ZNF433: variants seen among roughly 807,000 people sequenced by gnomAD.
ZNF433 encodes the protein zinc finger protein 433.
Under a neutral mutation model 10.6 loss-of-function variants are expected in ZNF433, and 12 were observed. The ratio of observed to expected loss-of-function variants is 1.13; its 90% CI spans 0.72 to 1.83. The LOEUF is 1.83. Among genes scored for constraint, ZNF433 ranks in the 40% most tolerant of loss-of-function variants. The pLI is 0.00. For synonymous variants in ZNF433, 272 were observed against 271.3 expected (o/e 1.00, Z -0.02); for missense variants, 737 against 798.0 (o/e 0.92, Z 0.92).
intron 1 of ZNF433, chr19:12,023,254 C>T (rs904220525): frequency 1.1e-4 from 17 of 152,360 alleles, no homozygotes; most frequent in African/African-American, 3.8e-4. Context: ...AAAGTTCCAA[C>T]AGGGGTCTGT....
At chr19:12,030,397 T>A (rs1048454962) in intron 1 of ZNF433, among the ~76,000 whole-genome samples, 2 of 152,000 alleles carry the variant, frequency 1.3e-5, no homozygotes, top group Non-Finnish European at 2.9e-5. Context: ...ATTTTTTCTA[T>A]TTTTAGTAGA....
chr19:12,031,794 G>C (rs567072048), intron 1 of ZNF433, among the ~76,000 whole-genome samples: 1 of 151,070 alleles, frequency 6.6e-6, no homozygotes, highest in South Asian at 2.1e-4. Context: ...GGAGGCTCAC[G>C]ATGATTGCTT....
rs144788674 is a variant in ZNF433, at chr19:12,029,974, C to G, written c.3+5563G>C. 6.7e-5 allele frequency among the ~76,000 whole-genome samples: 10 copies of G among 148,504 alleles called. No homozygotes were observed. The East Asian group carries it at 2.1e-3, about 31-fold the overall frequency. ...GCAGGCACCTGTAATCCCAGCTACTCGGAAGGCTGAGGCAGGAGAATTGCT... is the reference window on the plus strand; with the variant it reads ...GCAGGCACCTGTAATCCCAGCTACTGGGAAGGCTGAGGCAGGAGAATTGCT... On this transcript the variant is annotated intron_variant, in intron 1 of 3. Transcript: ENST00000550507.
chr19:12,027,172 C>G (rs1232110296), intron 1 of ZNF433: 1 of 430,014 alleles, frequency 2.3e-6, no homozygotes, highest in Non-Finnish European at 4.5e-6. Flanking sequence ...CAGCTATTAA[C>G]CCATTAAAAT....
At chr19:12,027,780 G>A (rs1212137230) in intron 1 of ZNF433, 1 of 152,282 alleles carries the variant, frequency 6.6e-6, no homozygotes, top group East Asian at 1.9e-4. Flanking sequence ...TAGCACCACT[G>A]GGTTAGGGTC....
rs1467305924 is a variant in ZNF433, at chr19:12,028,797, C to T, written c.3+6740G>A. On this transcript the variant is annotated intron_variant, in intron 1 of 3. Coordinates refer to ENST00000550507, the MANE Select transcript of ZNF433 (RefSeq NM_001308348.2). ...CACTGTAGCCTTGACTTCCCAGGCTCAAGCTATCCCTACCTTCCTGAGTAG... is the reference window on the plus strand; with the variant it reads ...CACTGTAGCCTTGACTTCCCAGGCTTAAGCTATCCCTACCTTCCTGAGTAG... Among the ~76,000 whole-genome samples the T allele has an allele frequency of 4.6e-5, 7 of 152,280 alleles. No individual in the cohort carries two copies. The South Asian group carries it at 6.2e-4, about 14-fold the overall frequency.
chr19:12,031,098 C>A (rs1974994267), intron 1 of ZNF433, among the ~76,000 whole-genome samples: 1 of 151,732 alleles, frequency 6.6e-6, no homozygotes, highest in African/African-American at 2.4e-5. Flanking sequence ...GAGATTGAGA[C>A]CATTCTGGCC....
chr19:12,032,325 G>T (rs190649312), intron 1 of ZNF433, among the ~76,000 whole-genome samples: 41 of 152,168 alleles, frequency 2.7e-4, no homozygotes, highest in Middle Eastern at 3.4e-3. Context: ...AGTTAAAATA[G>T]TAAACTTTCC....
chr19:12,029,383 T>G (rs1974891113), intron 1 of ZNF433, among the ~76,000 whole-genome samples: 1 of 151,804 alleles, frequency 6.6e-6, no homozygotes, highest in African/African-American at 2.4e-5. Flanking sequence ...TAGCCTGGCA[T>G]GGTGGCATGT....
chr19:12,015,269 G>A lies in ZNF433; in HGVS notation c.1589C>T (p.Pro530Leu). 6.2e-7 allele frequency: 1 copy of A among 1,614,042 alleles called. No homozygotes were observed. Residue 530 changes from proline (P) to leucine (L), a missense_variant, in exon 4 of 4, where the codon CCC becomes CTC. Transcript: ENST00000550507. ...YHGRTHTGEK[P>L]YECKQCGKAF... ...TTTTCCACATTGCTTGCATTCATAG[G>A]GTTTCTCTCCAGTGTGAGTCCTTCC... is the stretch of plus-strand genomic sequence containing the variant.
intron 1 of ZNF433, chr19:12,027,217 G>A (rs1467154315): frequency 2.0e-5 from 8 of 395,554 alleles, no homozygotes; most frequent in Non-Finnish European, 3.9e-5. Context: ...TGATTTCAAT[G>A]ATGATTGTGC....
At chr19:12,031,085 C>T (rs1237673824) in intron 1 of ZNF433, among the ~76,000 whole-genome samples, 1 of 151,918 alleles carries the variant, frequency 6.6e-6, no homozygotes, top group African/African-American at 2.4e-5. Flanking sequence ...ATCACGAGGT[C>T]AAGAGATTGA....
At position 12,015,052 on chromosome 19, in the gene ZNF433, A is replaced by C. The variant is rs375723695; in HGVS notation, c.1806T>G (p.Leu602=). The part of the protein sequence containing the change: ...CGKSFGCASR[L]QMHGRTHTGE... ...CAGTGTGAGTCCTTCCATGCATTTGAAGTCGCGAGGCACATCCAAAAGACT... is the reference window on the plus strand; with the variant it reads ...CAGTGTGAGTCCTTCCATGCATTTGCAGTCGCGAGGCACATCCAAAAGACT... The change falls in exon 4 of 4, where the codon CTT becomes CTG. Residue 602 remains leucine (L), a synonymous_variant. Coordinates refer to ENST00000550507, the MANE Select transcript of ZNF433 (RefSeq NM_001308348.2). 1.1e-4 allele frequency: 172 copies of C among 1,614,032 alleles called. No individual in the cohort carries two copies. Among genetic ancestry groups the C allele is most frequent in the Middle Eastern group, 3.3e-4 (2 of 6,062 alleles).
intron 1 of ZNF433, chr19:12,026,619 C>G: frequency 2.3e-6 from 1 of 439,106 alleles, no homozygotes; most frequent in South Asian, 1.6e-5. Context: ...CCATAATAAT[C>G]TGCTCCTATA....
intron 1 of ZNF433, chr19:12,025,873 T>A (rs747828791): frequency 7.2e-5 from 11 of 152,348 alleles, no homozygotes; most frequent in Non-Finnish European, 1.3e-4. Context: ...ATTAAACACA[T>A]TATTGGCATT....
rs746788154 is a variant in ZNF433, at chr19:12,015,472, A to G, written c.1386T>C (p.Phe462=). The change falls in exon 4 of 4, where the codon TTT becomes TTC. Residue 462 remains phenylalanine, a synonymous_variant. Transcript: ENST00000550507. ...CGKPFSNFSF[F]QIHERMHREE... ...CTCTGTGCATCCTTTCATGTATTTG[A>G]AAGAAAGAGAAATTACTAAATGGTT... is the stretch of plus-strand genomic sequence containing the variant. 5.6e-6 allele frequency: 9 copies of G among 1,613,786 alleles called. No individual in the cohort carries two copies. The South Asian group carries it at 9.9e-5, about 18-fold the overall frequency.
In ZNF433 at chr19:12,022,205, T is replaced by C. The variant is rs534883859; in HGVS notation, c.4-3913A>G. 11 of 356,328 alleles carry C rather than the reference T, an allele frequency of 3.1e-5. 1 individual carries two copies. Among genetic ancestry groups the C allele is most frequent in the South Asian group, 1.8e-4 (9 of 50,212 alleles). The allele number at this position is 356,328 out of a possible 1,614,324, so 22.1% of individuals were successfully genotyped here. A position where few individuals can be genotyped will look rare whatever the true frequency, so the allele number is the denominator to read the frequency against. On this transcript the variant is annotated intron_variant, in intron 1 of 3. Coordinates refer to ENST00000550507, the MANE Select transcript of ZNF433 (RefSeq NM_001308348.2). Reference sequence around the variant, plus strand: ...AAAGGTGTTCCTAAACCACAAACAATAGCGTAAGTGATCTCTGCCTTAAGG... The same window carrying C: ...AAAGGTGTTCCTAAACCACAAACAACAGCGTAAGTGATCTCTGCCTTAAGG...
At chr19:12,035,447 C>T (rs1033080115) in intron 1 of ZNF433, 90 bp downstream of exon 1, 7 of 1,525,220 alleles carry the variant, frequency 4.6e-6, no homozygotes, top group African/African-American at 2.8e-5. Flanking sequence ...CCGGAGTCGC[C>T]GCGGGGAGGC....
chr19:12,022,883 A>G (rs1974562635), intron 1 of ZNF433, among the ~76,000 whole-genome samples: 1 of 152,188 alleles, frequency 6.6e-6, no homozygotes, highest in South Asian at 2.1e-4. Context: ...AGGACACTGG[A>G]CAAAAAGTAG....
Sources: allele counts gnomAD v4.1 joint callset (sites outside exome capture counted in the v4.1 genomes callset), GRCh38; gene constraint gnomAD v4.1.1; transcripts MANE v1.5; gene names NCBI Gene and HGNC (gene_info 2026-07-23, HGNC 2026-07-21).